MEGF9: variants seen among roughly 807,000 people sequenced by gnomAD.
The protein encoded by MEGF9 is multiple epidermal growth factor-like domains protein 9.
Under a neutral mutation model 46.8 loss-of-function variants are expected in MEGF9, and 6 were observed. That is an observed-to-expected ratio of 0.13 (90% CI 0.07 to 0.25). The LOEUF is 0.25. Ranked by LOEUF, MEGF9 falls within the 10% of genes least tolerant of loss-of-function variation. The probability of loss-of-function intolerance (pLI) is 1.00; values close to 1 mark genes in which losing one functional copy is unlikely to be tolerated. For missense variants in MEGF9, 683 were observed against 792.4 expected (o/e 0.86, Z 1.66); for synonymous variants, 302 against 330.7 (o/e 0.91, Z 0.94).
At chr9:120,610,770 G>C (rs142864929) in intron 4 of MEGF9, among the ~76,000 whole-genome samples, 1 of 151,982 alleles carries the variant, frequency 6.6e-6, no homozygotes, top group Admixed American at 6.6e-5. Flanking sequence ...TCATGAAGCA[G>C]GTAACATTTG....
intron 2 of MEGF9, among the ~76,000 whole-genome samples, chr9:120,631,051 C>A (rs1468957178): frequency 6.6e-6 from 1 of 152,182 alleles, no homozygotes; most frequent in Admixed American, 6.5e-5. Context: ...AAAATCTCTG[C>A]CCAGAGCACT....
At chr9:120,703,830 G>T (rs2043915830) in intron 1 of MEGF9, among the ~76,000 whole-genome samples, 1 of 151,990 alleles carries the variant, frequency 6.6e-6, no homozygotes, top group African/African-American at 2.4e-5. Flanking sequence ...AAAATTAGCT[G>T]GGTGTGGTGG....
chr9:120,611,808 G>GAAAGA lies in MEGF9; in HGVS notation c.1087+583_1087+587dup, dbSNP rs760901512. 2.2e-3 allele frequency among the ~76,000 whole-genome samples: 292 copies of GAAAGA among 132,680 alleles called. 3 individuals are homozygous for GAAAGA. Among genetic ancestry groups the GAAAGA allele is most frequent in the Middle Eastern group, 7.4e-3 (2 of 272 alleles). 87.0% of individuals were successfully genotyped at this position (132,680 alleles called of 152,430 possible). ...ACAGGGAGAAAAGAAAGGAAAGAAA[G>GAAAGA]AAAGAAAAGAAAAGAAAAGAAAGAA... On this transcript the variant is annotated intron_variant, in intron 4 of 5. Transcript: ENST00000373930.
At chr9:120,712,895 G>A (rs1185281626) in intron 1 of MEGF9, among the ~76,000 whole-genome samples, 2 of 152,194 alleles carry the variant, frequency 1.3e-5, no homozygotes, top group African/African-American at 2.4e-5. Flanking sequence ...GAAAGAATAC[G>A]AGTTGTCTTT....
chr9:120,689,251 AGAG>A (rs1238401274), intron 1 of MEGF9, among the ~76,000 whole-genome samples: 2 of 152,216 alleles, frequency 1.3e-5, no homozygotes, highest in Admixed American at 6.5e-5. Context: ...AGCTAAGGGT[AGAG>A]GAGAGGAGTA....
intron 1 of MEGF9, among the ~76,000 whole-genome samples, chr9:120,691,681 A>G (rs1003974246): frequency 6.6e-6 from 1 of 152,172 alleles, no homozygotes; most frequent in Non-Finnish European, 1.5e-5. Context: ...TGCTTTACCA[A>G]CATCATCTCA....
At chr9:120,606,835 C>A (rs1007087837) in intron 5 of MEGF9, among the ~76,000 whole-genome samples, 5 of 152,042 alleles carry the variant, frequency 3.3e-5, no homozygotes, top group Non-Finnish European at 7.4e-5. Context: ...ACCATGAAAG[C>A]CATATCAATT....
chr9:120,630,790 T>G (rs949814196), intron 2 of MEGF9, among the ~76,000 whole-genome samples: 1 of 152,208 alleles, frequency 6.6e-6, no homozygotes, highest in Non-Finnish European at 1.5e-5. Flanking sequence ...TTTGTATGTT[T>G]TTGTTTGAGA....
intron 2 of MEGF9, among the ~76,000 whole-genome samples, chr9:120,639,057 A>G (rs1288502316): frequency 6.6e-6 from 1 of 152,184 alleles, no homozygotes; most frequent in Non-Finnish European, 1.5e-5. Flanking sequence ...TCAGTTTCAT[A>G]TGCTGTAATT....
intron 4 of MEGF9, among the ~76,000 whole-genome samples, chr9:120,611,865 A>AGGAAGGAAGGAAGGAAGAAAGAG (rs572613293): frequency 1.4e-4 from 19 of 137,222 alleles, no homozygotes; most frequent in African/African-American, 5.3e-4. Flanking sequence ...GGAAGGAAGA[A>AGGAAGGAAGGAAGGAAGAAAGAG]AGAGAGAGAG....
chr9:120,622,629 G>A lies in MEGF9; in HGVS notation c.930C>T (p.Cys310=), dbSNP rs377152112. 6.0e-5 allele frequency: 97 copies of A among 1,613,416 alleles called. No homozygotes were observed. The highest frequency in any genetic ancestry group is 3.5e-4 in the African/African-American group (26 of 74,886). The change falls in exon 3 of 6, where the codon TGC becomes TGT. Residue 310 remains cysteine, a synonymous_variant. Transcript: ENST00000373930. ...GAAAGTACGTACCTGTGAGGGCATC[G>A]CAACTGGCAGACCGATTATTGCATT... ...PCQCNNRSAS[C]DALTGACLNC...
chr9:120,675,246 A>C (rs185497505), intron 1 of MEGF9, among the ~76,000 whole-genome samples: 1 of 152,260 alleles, frequency 6.6e-6, no homozygotes, highest in African/African-American at 2.4e-5. Context: ...TTTATATTAC[A>C]TATGAGAATA....
intron 1 of MEGF9, among the ~76,000 whole-genome samples, chr9:120,667,325 T>C (rs897960156): frequency 1.3e-5 from 2 of 152,218 alleles, no homozygotes; most frequent in African/African-American, 2.4e-5. Flanking sequence ...TAAAATGCTA[T>C]TTTACTAAAA....
At chr9:120,661,876 T>C (rs972582239) in intron 1 of MEGF9, among the ~76,000 whole-genome samples, 1 of 152,238 alleles carries the variant, frequency 6.6e-6, no homozygotes, top group Non-Finnish European at 1.5e-5. Flanking sequence ...CTTAACATTT[T>C]TCTTCTGAAA....
At chr9:120,706,215 G>T (rs895893245) in intron 1 of MEGF9, among the ~76,000 whole-genome samples, 4 of 152,042 alleles carry the variant, frequency 2.6e-5, no homozygotes, top group African/African-American at 9.7e-5. Context: ...AATTTTAGGG[G>T]TCTTTTTTAA....
At chr9:120,609,965 ACAATT>A (rs1205389761) in intron 4 of MEGF9, among the ~76,000 whole-genome samples, 3 of 152,184 alleles carry the variant, frequency 2.0e-5, no homozygotes, top group Non-Finnish European at 4.4e-5. Context: ...TTAAAAGTAT[ACAATT>A]CAATGGTTTT....
intron 1 of MEGF9, among the ~76,000 whole-genome samples, chr9:120,669,801 C>T (rs551581548): frequency 2.0e-5 from 3 of 152,020 alleles, no homozygotes; most frequent in Non-Finnish European, 4.4e-5. Context: ...TTTATCTCCC[C>T]AGATGTCCTA....
At chr9:120,653,501 A>G (rs1253345489) in intron 2 of MEGF9, among the ~76,000 whole-genome samples, 3 of 151,590 alleles carry the variant, frequency 2.0e-5, no homozygotes, top group African/African-American at 7.3e-5. Context: ...CCTCCCAAGC[A>G]GCTGGGATTA....
chr9:120,658,008 CAG>C (rs1216418128), intron 2 of MEGF9, among the ~76,000 whole-genome samples: 2 of 150,178 alleles, frequency 1.3e-5, no homozygotes, highest in Non-Finnish European at 3.0e-5. Flanking sequence ...TTTTTTAAGA[CAG>C]AGTCTCCCTC....
Sources: gnomAD v4.1 joint callset for allele counts (sites outside exome capture counted in the v4.1 genomes callset) on GRCh38, gnomAD v4.1.1 for gene constraint, MANE v1.5 for transcripts, NCBI Gene and HGNC (gene_info 2026-07-23, HGNC 2026-07-21) for gene names.